The following PPP3CA variants were observed in gnomAD, a reference collection of about 807,000 sequenced individuals.
PPP3CA encodes the protein protein phosphatase 3 catalytic subunit alpha, also known as CAM-PRP catalytic subunit.
Under a neutral mutation model 66.5 loss-of-function variants are expected in PPP3CA, and 14 were observed. The ratio of observed to expected loss-of-function variants is 0.21; its 90% confidence interval spans 0.14 to 0.33. The LOEUF is 0.33. Among genes scored for constraint, PPP3CA ranks in the 10% least tolerant of loss-of-function variants. PPP3CA has a pLI of 1.00. For missense variants in PPP3CA, 317 were observed against 639.5 expected (o/e 0.50, Z 5.44); for synonymous variants, 232 against 226.2 (o/e 1.03, Z -0.23).
rs553101138 is a variant in PPP3CA at position 101,051,077 on chromosome 4, T to C, written c.1156+10010A>G. Among the ~76,000 whole-genome samples, 6 of 152,182 alleles carry C rather than the reference T, an allele frequency of 3.9e-5. No individual in the cohort carries two copies. The South Asian group carries it at 1.2e-3, about 32-fold the overall frequency. ...TGCTGGCTTTGCAGTCAGAACAAAA[T>C]AGACCACTCCAAAAAGATGCGGTTG... On this transcript the variant is annotated intron_variant, in intron 10 of 13. Coordinates refer to ENST00000394854, the MANE Select transcript of PPP3CA (RefSeq NM_000944.5).
At chr4:101,134,662 A>AC (rs1722556936) in intron 2 of PPP3CA, among the ~76,000 whole-genome samples, 2 of 152,342 alleles carry the variant, frequency 1.3e-5, no homozygotes, top group African/African-American at 4.8e-5. Flanking sequence ...ATTGTGGAAG[A>AC]CAGTGTGGCA....
At chr4:101,240,047 G>GT (rs1726254748) in intron 1 of PPP3CA, among the ~76,000 whole-genome samples, 1 of 89,506 alleles carries the variant, frequency 1.1e-5, no homozygotes, top group African/African-American at 3.5e-5. Context: ...TTTGGGGGGA[G>GT]CGGGGGGGAG....
At chr4:101,144,032 C>G (rs1375628983) in intron 2 of PPP3CA, among the ~76,000 whole-genome samples, 1 of 151,348 alleles carries the variant, frequency 6.6e-6, no homozygotes, top group Admixed American at 6.6e-5. Flanking sequence ...CATCACCCTC[C>G]TTCTTTAGAC....
At chr4:101,190,101 T>C (rs1274702613) in intron 2 of PPP3CA, among the ~76,000 whole-genome samples, 1 of 152,060 alleles carries the variant, frequency 6.6e-6, no homozygotes, top group African/African-American at 2.4e-5. Context: ...AAGGAAAACA[T>C]CTACAGTTTT....
chr4:101,307,764 C>T (rs983581394), intron 1 of PPP3CA, among the ~76,000 whole-genome samples: 2 of 152,098 alleles, frequency 1.3e-5, no homozygotes, highest in East Asian at 1.9e-4. Flanking sequence ...TCCTCCAGCG[C>T]GAATACCATA....
intron 1 of PPP3CA, among the ~76,000 whole-genome samples, chr4:101,204,635 C>CAAAAA (rs55925064): frequency 9.3e-6 from 1 of 107,818 alleles, no homozygotes; most frequent in Admixed American, 1.0e-4. Context: ...GACTCCATCT[C>CAAAAA]AAAAAAAAAA....
At position 101,025,299 on chromosome 4, in the gene PPP3CA, T is replaced by C. The variant is rs1726578006; in HGVS notation, c.*566A>G. The stretch of plus-strand genomic sequence containing the variant: ...AATTTGCAACGTTCTTTTTTTTCTT[T>C]TTCTGTTTTTTTTTTTTTTTAAGAC... On this transcript the variant is annotated 3_prime_UTR_variant, in exon 14 of 14. Coordinates refer to ENST00000394854, the MANE Select transcript of PPP3CA (RefSeq NM_000944.5). 7.6e-6 allele frequency: 1 copy of C among 132,298 alleles called. No homozygotes were observed. Among genetic ancestry groups the C allele is most frequent in the African/African-American group, 2.7e-5 (1 of 36,540 alleles). The allele number at this position is 132,298 out of a possible 1,614,324, so 8.2% of individuals were successfully genotyped here. A position where few individuals can be genotyped will look rare whatever the true frequency, so the allele number is the denominator to read the frequency against.
At chr4:101,337,309 T>C (rs1339775397) in intron 1 of PPP3CA, among the ~76,000 whole-genome samples, 5 of 152,254 alleles carry the variant, frequency 3.3e-5, no homozygotes, top group Non-Finnish European at 7.3e-5. Flanking sequence ...GACTTTCTAA[T>C]ATTTGAAGCC....
chr4:101,248,036 G>A (rs1395852403), intron 1 of PPP3CA, among the ~76,000 whole-genome samples: 4 of 152,124 alleles, frequency 2.6e-5, no homozygotes, highest in African/African-American at 7.2e-5. Context: ...AAATGGTAAC[G>A]GAAAGGAGCT....
At chr4:101,284,051 A>G (rs1727762995) in intron 1 of PPP3CA, among the ~76,000 whole-genome samples, 1 of 152,226 alleles carries the variant, frequency 6.6e-6, no homozygotes, top group Non-Finnish European at 1.5e-5. Flanking sequence ...CATGCTGGAT[A>G]GCTCAGATTC....
At chr4:101,137,884 C>CA (rs34286966) in intron 2 of PPP3CA, among the ~76,000 whole-genome samples, 64,451 of 120,840 alleles carry the variant, frequency 0.53, 16,523 homozygotes, top group African/African-American at 0.72. Context: ...TGTCAGTCCA[C>CA]AAAAAAAAAA....
At chr4:101,247,900 C>T (rs2850954) in intron 1 of PPP3CA, among the ~76,000 whole-genome samples, 37,993 of 151,632 alleles carry the variant, frequency 0.25, 5,845 homozygotes, top group East Asian at 0.51. Context: ...TATATATATA[C>T]ACACACACAC....
At chr4:101,288,764 T>C (rs1578632664) in intron 1 of PPP3CA, among the ~76,000 whole-genome samples, 1 of 152,310 alleles carries the variant, frequency 6.6e-6, no homozygotes. Flanking sequence ...GTAAATATTT[T>C]AACTTTTTCC....
chr4:101,161,264 C>T (rs1578508052), intron 2 of PPP3CA, among the ~76,000 whole-genome samples: 1 of 152,088 alleles, frequency 6.6e-6, no homozygotes, highest in African/African-American at 2.4e-5. Context: ...ACAACAAAAT[C>T]GGCAAATGAC....
chr4:101,251,569 C>T (rs1726677895), intron 1 of PPP3CA, among the ~76,000 whole-genome samples: 1 of 152,040 alleles, frequency 6.6e-6, no homozygotes. Flanking sequence ...GTTAAATGTC[C>T]TATAATTGTT....
At chr4:101,159,476 C>A (rs1723431950) in intron 2 of PPP3CA, among the ~76,000 whole-genome samples, 1 of 152,140 alleles carries the variant, frequency 6.6e-6, no homozygotes, top group South Asian at 2.1e-4. Context: ...TTTACAGTAA[C>A]CCAACACTTC....
intron 2 of PPP3CA, among the ~76,000 whole-genome samples, chr4:101,138,619 G>A (rs1722698185): frequency 6.6e-6 from 1 of 152,194 alleles, no homozygotes; most frequent in Non-Finnish European, 1.5e-5. Context: ...GTGTCATGTT[G>A]GTACTCAAAA....
intron 8 of PPP3CA, among the ~76,000 whole-genome samples, chr4:101,067,754 A>G (rs1728744156): frequency 6.6e-6 from 1 of 151,302 alleles, no homozygotes; most frequent in Non-Finnish European, 1.5e-5. Context: ...AACATGGCAC[A>G]TGTATACGCA....
intron 1 of PPP3CA, among the ~76,000 whole-genome samples, chr4:101,202,855 T>G (rs1725012709): frequency 6.6e-6 from 1 of 152,192 alleles, no homozygotes; most frequent in Admixed American, 6.5e-5. Context: ...ACTTCTTCTA[T>G]CCTTGTCAGA....
Sources: gnomAD v4.1 joint callset for allele counts (sites outside exome capture counted in the v4.1 genomes callset) on GRCh38, gnomAD v4.1.1 for gene constraint, MANE v1.5 for transcripts, NCBI Gene and HGNC (gene_info 2026-07-23, HGNC 2026-07-21) for gene names.